FABP12: variants seen among roughly 807,000 people sequenced by gnomAD.
The protein encoded by FABP12 is fatty acid binding protein 12.
A neutral mutation model predicts 13.7 loss-of-function variants in FABP12; 19 were observed. That is an observed-to-expected ratio of 1.39 (90% CI 0.97 to 2.04). The LOEUF (loss-of-function observed/expected upper bound fraction) is 2.04. Among genes scored for constraint, FABP12 ranks in the 30% most tolerant of loss-of-function variants. The pLI, the probability that FABP12 is intolerant of heterozygous loss-of-function variation, is 0.00. For synonymous variants in FABP12, 61 were observed against 57.0 expected, an observed-to-expected ratio of 1.07 and a Z score of -0.32; for missense variants, 182 against 164.2, an observed-to-expected ratio of 1.11 and a Z score of -0.59.
chr8:81,541,025 G>T (rs1809328009), intron 1 of FABP12, among the ~76,000 whole-genome samples: 1 of 151,966 alleles, frequency 6.6e-6, no homozygotes, highest in Non-Finnish European at 1.5e-5. Flanking sequence ...AAATTAGCCA[G>T]GTTTGGTGGT....
At chr8:81,528,709 G>A (rs764478838) in intron 3 of FABP12, among the ~76,000 whole-genome samples, 2 of 152,018 alleles carry the variant, frequency 1.3e-5, no homozygotes, top group Non-Finnish European at 2.9e-5. Context: ...TAAACAATAC[G>A]TGTAGAAGTA....
intron 1 of FABP12, among the ~76,000 whole-genome samples, chr8:81,576,137 T>C (rs1469874018): frequency 6.6e-6 from 1 of 152,214 alleles, no homozygotes; most frequent in Non-Finnish European, 1.5e-5. Flanking sequence ...ATAAGACTAA[T>C]GACTTTTCTC....
chr8:81,526,945 T>C (rs1808916423), intron 4 of FABP12, 75 bp downstream of exon 4: 4 of 829,034 alleles, frequency 4.8e-6, no homozygotes, highest in Non-Finnish European at 5.7e-6. Flanking sequence ...TTCATTTTCA[T>C]TGTTTGAGAA....
chr8:81,542,512 G>A (rs922915707), intron 1 of FABP12, among the ~76,000 whole-genome samples: 2 of 152,148 alleles, frequency 1.3e-5, no homozygotes, highest in African/African-American at 2.4e-5. Flanking sequence ...GAACCAACCT[G>A]GTGAGAGGAC....
At chr8:81,537,266 G>T (rs912815882), upstream of FABP12, among the ~76,000 whole-genome samples, 4 of 152,168 alleles carry the variant, frequency 2.6e-5, no homozygotes, top group African/African-American at 9.7e-5. Context: ...AATTAATTGT[G>T]TAAGGAAATT....
intron 1 of FABP12, among the ~76,000 whole-genome samples, chr8:81,585,967 G>A (rs1810232143): frequency 6.6e-6 from 1 of 152,012 alleles, no homozygotes. Context: ...TATTCAATAG[G>A]TAGTTTTTCA....
chr8:81,583,387 A>T (rs922963809), intron 1 of FABP12, among the ~76,000 whole-genome samples: 1 of 152,192 alleles, frequency 6.6e-6, no homozygotes, highest in Non-Finnish European at 1.5e-5. Context: ...GAGACAAAGA[A>T]TCAACAAAAC....
intron 1 of FABP12, among the ~76,000 whole-genome samples, chr8:81,588,573 T>C (rs1055424814): frequency 6.6e-6 from 1 of 152,206 alleles, no homozygotes; most frequent in African/African-American, 2.4e-5. Flanking sequence ...TTTCTAAGTA[T>C]AAGATCATGC....
chr8:81,542,379 T>C (rs555232423), intron 1 of FABP12, among the ~76,000 whole-genome samples: 2 of 152,260 alleles, frequency 1.3e-5, no homozygotes, highest in East Asian at 3.9e-4. Context: ...TCTTGGCAAC[T>C]ATCATCTTTG....
At chr8:81,546,337 A>G (rs1213136323) in intron 1 of FABP12, among the ~76,000 whole-genome samples, 3 of 152,140 alleles carry the variant, frequency 2.0e-5, no homozygotes, top group Admixed American at 6.5e-5. Flanking sequence ...TTTTCATTAT[A>G]GGAATCTTAA....
At chr8:81,574,196 A>G (rs111802420) in intron 1 of FABP12, among the ~76,000 whole-genome samples, 1 of 152,114 alleles carries the variant, frequency 6.6e-6, no homozygotes, top group African/African-American at 2.4e-5. Context: ...CTTTTTCTGC[A>G]TCTACTGAGA....
chr8:81,578,823 G>GTTTCTTCTTTT (rs71268012), intron 1 of FABP12, among the ~76,000 whole-genome samples: 6 of 105,668 alleles, frequency 5.7e-5, no homozygotes, highest in African/African-American at 1.6e-4. Flanking sequence ...ATTTGTTCAA[G>GTTTCTTCTTTT]TTTTTTTTTT....
chr8:81,575,333 C>T (rs548179899), intron 1 of FABP12, among the ~76,000 whole-genome samples: 149 of 152,246 alleles, frequency 9.8e-4, no homozygotes, highest in African/African-American at 3.5e-3. Context: ...GACATAATTT[C>T]AATTTTCATG....
At chr8:81,557,779 G>A (rs910968373) in intron 1 of FABP12, among the ~76,000 whole-genome samples, 18 of 152,120 alleles carry the variant, frequency 1.2e-4, no homozygotes, top group African/African-American at 3.1e-4. Context: ...CTTAGCAGAA[G>A]GATAAAAATG....
At chr8:81,536,730 G>A (rs1201293830), upstream of FABP12, among the ~76,000 whole-genome samples, 1 of 152,190 alleles carries the variant, frequency 6.6e-6, no homozygotes, top group Non-Finnish European at 1.5e-5. Flanking sequence ...TACACAGCTG[G>A]AGAATAAGTT....
intron 1 of FABP12, among the ~76,000 whole-genome samples, chr8:81,578,326 T>G (rs1810088525): frequency 6.6e-6 from 1 of 152,210 alleles, no homozygotes; most frequent in Admixed American, 6.5e-5. Flanking sequence ...TTTAGTCCTA[T>G]GTAATCATTC....
intron 4 of FABP12, among the ~76,000 whole-genome samples, chr8:81,525,575 A>C (rs79946199): frequency 0.079 from 11,862 of 150,750 alleles, 957 homozygotes; most frequent in African/African-American, 0.2. Flanking sequence ...ATAGATAGAT[A>C]GATCTATATA....
chr8:81,559,314 T>C (rs1300271205), intron 1 of FABP12, among the ~76,000 whole-genome samples: 1 of 152,020 alleles, frequency 6.6e-6, no homozygotes, highest in Non-Finnish European at 1.5e-5. Flanking sequence ...CCCCCCCGAG[T>C]TGTTAGGCTG....
chr8:81,567,949 G>A lies in FABP12; in HGVS notation c.-185+22104C>T, dbSNP rs183047480. Among the ~76,000 whole-genome samples the A allele has an allele frequency of 1.7e-3, 255 of 151,818 alleles. 4 individuals carry two copies. Among genetic ancestry groups the A allele is most frequent in the African/African-American group, 5.7e-3 (237 of 41,318 alleles). On this transcript the variant is annotated intron_variant, in intron 1 of 5. Transcript: ENST00000692030. ...ATCCTGGCGAACAAGGTGAAACCCC[G>A]TCTCTACTAAAAATACAAAAAAAAT... is the stretch of plus-strand genomic sequence containing the variant.
Sources: gnomAD v4.1 joint callset for allele counts (sites outside exome capture counted in the v4.1 genomes callset) on GRCh38, gnomAD v4.1.1 for gene constraint, MANE v1.5 for transcripts, NCBI Gene and HGNC (gene_info 2026-07-23, HGNC 2026-07-21) for gene names.